The following RBFOX1 variants were observed in gnomAD, a reference collection of about 807,000 sequenced individuals.
The protein encoded by RBFOX1 is RNA binding protein fox-1 homolog 1.
RBFOX1 carries 8 observed loss-of-function variants against 57.7 expected under a neutral mutation model. The ratio of observed to expected loss-of-function variants is 0.14; its 90% CI spans 0.08 to 0.25. RBFOX1 has a LOEUF of 0.25. Ranked by LOEUF, RBFOX1 falls within the 10% of genes least tolerant of loss-of-function variation. The pLI is 1.00. For synonymous variants in RBFOX1, 326 were observed against 222.4 expected, an observed-to-expected ratio of 1.47 and a Z score of -4.15; for missense variants, 611 against 548.5, an observed-to-expected ratio of 1.11 and a Z score of -1.14.
intron 1 of RBFOX1, among the ~76,000 whole-genome samples, chr16:6,287,191 A>C (rs937626398): frequency 2.6e-5 from 4 of 152,152 alleles, no homozygotes; most frequent in African/African-American, 9.6e-5. Context: ...TTCAGCCTCC[A>C]AGAATGAACT....
chr16:5,975,406 G>T (rs1317050188), intron 4 of RBFOX1, among the ~76,000 whole-genome samples: 1 of 152,182 alleles, frequency 6.6e-6, no homozygotes, highest in Non-Finnish European at 1.5e-5. Flanking sequence ...GTGCCTGGCT[G>T]CTACATTACT....
intron 3 of RBFOX1, among the ~76,000 whole-genome samples, chr16:6,713,597 G>T (rs933027372): frequency 2.5e-4 from 38 of 151,978 alleles, no homozygotes; most frequent in African/African-American, 8.9e-4. Flanking sequence ...CCCTTTGTGG[G>T]CAAAAATAAA....
At chr16:6,697,022 G>T (rs1416415857) in intron 3 of RBFOX1, among the ~76,000 whole-genome samples, 1 of 152,142 alleles carries the variant, frequency 6.6e-6, no homozygotes, top group Non-Finnish European at 1.5e-5. Context: ...ATAAAGAAAA[G>T]CTTAGACATT....
intron 4 of RBFOX1, among the ~76,000 whole-genome samples, chr16:5,950,051 T>G (rs761089966): frequency 6.6e-5 from 10 of 152,246 alleles, no homozygotes; most frequent in Non-Finnish European, 1.0e-4. Context: ...ATTGCTCTAA[T>G]CAATCAGTGA....
chr16:6,851,002 A>C (rs759038571), intron 3 of RBFOX1, among the ~76,000 whole-genome samples: 1 of 152,232 alleles, frequency 6.6e-6, no homozygotes, highest in Non-Finnish European at 1.5e-5. Flanking sequence ...GAATGGTTAC[A>C]CTGTGATAAT....
intron 4 of RBFOX1, among the ~76,000 whole-genome samples, chr16:7,261,652 C>G (rs2094924544): frequency 6.6e-6 from 1 of 152,178 alleles, no homozygotes; most frequent in Admixed American, 6.5e-5. Context: ...TCTCCACTCA[C>G]CTCTTTATGT....
intron 3 of RBFOX1, among the ~76,000 whole-genome samples, chr16:6,674,404 C>T (rs1038975285): frequency 1.5e-4 from 23 of 152,056 alleles, no homozygotes; most frequent in Admixed American, 1.4e-3. Flanking sequence ...TCACCTCAAC[C>T]TCCGCCTCCT....
Position 6,098,004 on chromosome 16 carries a change from C to G in RBFOX1, c.-127+78012C>G, listed in dbSNP as rs552103589. Among the ~76,000 whole-genome samples the G allele has an allele frequency of 2.6e-5, 4 of 152,292 alleles. 1 individual carries two copies. The South Asian group carries it at 8.3e-4, about 32-fold the overall frequency. On this transcript the variant is annotated intron_variant, in intron 1 of 15. Coordinates refer to ENST00000550418, the MANE Select transcript of RBFOX1 (RefSeq NM_018723.4). ...GGAGCCTGCAATTTTGCATTTGTGACAAGCTCCCACGGATGCTGGTGCTCA... is the reference window on the plus strand; with the variant it reads ...GGAGCCTGCAATTTTGCATTTGTGAGAAGCTCCCACGGATGCTGGTGCTCA...
intron 4 of RBFOX1, among the ~76,000 whole-genome samples, chr16:5,948,009 T>A (rs1229246026): frequency 1.3e-5 from 2 of 152,200 alleles, no homozygotes; most frequent in Non-Finnish European, 2.9e-5. Context: ...TTCATACATT[T>A]TCATGGCAGG....
chr16:5,366,655 AT>A (rs1408119166), intron 1 of RBFOX1: 5 of 433,494 alleles, frequency 1.2e-5, no homozygotes, highest in African/African-American at 1.0e-4. Flanking sequence ...CCAGGAGGCT[AT>A]TCCCGATCTC....
chr16:6,116,142 C>T (rs182507830), intron 1 of RBFOX1, among the ~76,000 whole-genome samples: 11 of 152,110 alleles, frequency 7.2e-5, no homozygotes, highest in African/African-American at 2.7e-4. Flanking sequence ...AGCTGGAAAC[C>T]ATCATTCTCA....
At chr16:6,428,250 C>T (rs1018757563) in intron 2 of RBFOX1, among the ~76,000 whole-genome samples, 1 of 143,418 alleles carries the variant, frequency 7.0e-6, no homozygotes, top group South Asian at 2.2e-4. Flanking sequence ...TATACCACTG[C>T]ACTCCAGCCT....
chr16:7,087,290 G>C (rs1050681985), intron 4 of RBFOX1, among the ~76,000 whole-genome samples: 2 of 152,082 alleles, frequency 1.3e-5, no homozygotes, highest in South Asian at 2.1e-4. Flanking sequence ...CAAGAGGATC[G>C]GCCGCCTTCC....
intron 2 of RBFOX1, among the ~76,000 whole-genome samples, chr16:6,565,291 C>G (rs2097247148): frequency 1.3e-5 from 2 of 151,626 alleles, no homozygotes; most frequent in South Asian, 2.1e-4. Context: ...GAGTCTCACT[C>G]TGTTGCCCAG....
intron 3 of RBFOX1, among the ~76,000 whole-genome samples, chr16:6,777,768 G>T (rs143491379): frequency 1.4e-4 from 21 of 152,206 alleles, no homozygotes; most frequent in African/African-American, 4.8e-4. Context: ...AGTTGAATAT[G>T]ATGAGAAAAC....
rs1402894033 is a variant in RBFOX1 at position 6,816,722 on chromosome 16, A to C, written c.-16+162072A>C. On this transcript the variant is annotated intron_variant, in intron 3 of 15. Transcript: ENST00000550418. ...ACCACTGCACTCCAGCCTGGGTGAC[A>C]GAGCAAGACTGTCTCAAAAAAAAAA... 2.2e-5 allele frequency among the ~76,000 whole-genome samples: 3 copies of C among 136,584 alleles called. No homozygotes were observed. The East Asian group carries it at 6.2e-4, about 28-fold the overall frequency. 89.6% of individuals were successfully genotyped at this position (136,584 alleles called of 152,430 possible).
chr16:6,943,715 A>AT (rs964042204), intron 3 of RBFOX1, among the ~76,000 whole-genome samples: 6 of 152,036 alleles, frequency 3.9e-5, no homozygotes, highest in African/African-American at 1.2e-4. Context: ...CTTTAAAAAA[A>AT]AAAAAAAAAA....
intron 3 of RBFOX1, among the ~76,000 whole-genome samples, chr16:7,051,292 A>G (rs905922843): frequency 1.3e-5 from 2 of 152,204 alleles, no homozygotes; most frequent in Non-Finnish European, 2.9e-5. Context: ...CCTTAGCATA[A>G]TCATGTAATA....
At chr16:5,362,828 G>T (rs1029885198) in intron 1 of RBFOX1, among the ~76,000 whole-genome samples, 2 of 151,538 alleles carry the variant, frequency 1.3e-5, no homozygotes, top group African/African-American at 2.4e-5. Context: ...ATTTTACTTA[G>T]CATAATGTCT....
Sources: gnomAD v4.1 joint callset for allele counts (sites outside exome capture counted in the v4.1 genomes callset) on GRCh38, gnomAD v4.1.1 for gene constraint, MANE v1.5 for transcripts, NCBI Gene and HGNC (gene_info 2026-07-23, HGNC 2026-07-21) for gene names.